RFC3: variants seen among roughly 807,000 people sequenced by gnomAD.
RFC3 encodes replication factor C subunit 3, also known as A1 38 kDa subunit.
Under a neutral mutation model 45.1 loss-of-function variants are expected in RFC3, and 41 were observed. The observed-to-expected ratio is 0.91, with a 90% CI of 0.71 to 1.18. RFC3 has a LOEUF of 1.18. Ranked by LOEUF, RFC3 falls within the 50% of genes most tolerant of loss-of-function variation. RFC3 has a pLI of 0.00. For missense variants in RFC3, 423 were observed against 428.1 expected, an observed-to-expected ratio of 0.99 and a Z score of 0.10; for synonymous variants, 149 against 144.0, an observed-to-expected ratio of 1.03 and a Z score of -0.25.
chr13:33,851,058 A>C, intron 8 of RFC3, among the ~76,000 whole-genome samples: 1 of 152,202 alleles, frequency 6.6e-6, no homozygotes, highest in East Asian at 1.9e-4. Flanking sequence ...CCCTCCATGG[A>C]ATGAGAAATT....
At chr13:33,887,560 GA>G (rs1211046551) in intron 8 of RFC3, among the ~76,000 whole-genome samples, 14 of 151,734 alleles carry the variant, frequency 9.2e-5, no homozygotes, top group African/African-American at 3.1e-4. Flanking sequence ...AGTAGGTTGC[GA>G]AAATTTTCTC....
chr13:33,890,840 T>A (rs966996899), intron 8 of RFC3, among the ~76,000 whole-genome samples: 1 of 152,182 alleles, frequency 6.6e-6, no homozygotes, highest in African/African-American at 2.4e-5. Flanking sequence ...ACTAGGCCAA[T>A]GGGATTCCTT....
At chr13:33,867,971 G>A (rs1021134016) in intron 8 of RFC3, among the ~76,000 whole-genome samples, 1 of 152,150 alleles carries the variant, frequency 6.6e-6, no homozygotes, top group Non-Finnish European at 1.5e-5. Flanking sequence ...ATATTAAGGT[G>A]GAATCCAACA....
At position 33,941,330 on chromosome 13, in the gene RFC3, G is replaced by C. The variant is rs186708374; in HGVS notation, c.880-24757G>C. Among the ~76,000 whole-genome samples the C allele has an allele frequency of 4.4e-3, 667 of 151,934 alleles. 4 individuals are homozygous for C. Among genetic ancestry groups the C allele is most frequent in the African/African-American group, 0.015 (631 of 41,458 alleles). ...CTTTCTGGTCATATGACAAGAACCT[G>C]GTTTTTTCTACAACACTGCCACCCT... On this transcript the variant is annotated intron_variant, in intron 8 of 8. Coordinates refer to the RFC3 transcript ENST00000434425.
chr13:33,929,668 CT>C (rs2082839481), intron 8 of RFC3, among the ~76,000 whole-genome samples: 1 of 151,962 alleles, frequency 6.6e-6, no homozygotes, highest in Non-Finnish European at 1.5e-5. Context: ...ATGAACAGTG[CT>C]AACATTTTGG....
At position 33,928,230 on chromosome 13, in the gene RFC3, A is replaced by G. The variant is rs181034741; in HGVS notation, c.880-37857A>G. Among the ~76,000 whole-genome samples, 563 of 152,230 alleles carry G rather than the reference A, an allele frequency of 3.7e-3. 5 individuals are homozygous for G. The highest frequency in any genetic ancestry group is 6.2e-3 in the Non-Finnish European group (420 of 67,984). On this transcript the variant is annotated intron_variant, in intron 8 of 8. Coordinates refer to the RFC3 transcript ENST00000434425. ...GGAGACAAGATTGAGTAGGTATCCAAGAAAGACTGAGTCAATCATGAAAGT... is the reference window on the plus strand; with the variant it reads ...GGAGACAAGATTGAGTAGGTATCCAGGAAAGACTGAGTCAATCATGAAAGT...
intron 8 of RFC3, among the ~76,000 whole-genome samples, chr13:33,845,926 G>A (rs1576375): frequency 0.99 from 150,918 of 152,332 alleles, 74,772 homozygotes; most frequent in Middle Eastern, 1. Flanking sequence ...CATTCCAAGT[G>A]TTCAGAGAAA....
intron 8 of RFC3, among the ~76,000 whole-genome samples, chr13:33,895,959 G>T (rs1395707230): frequency 6.6e-6 from 1 of 151,862 alleles, no homozygotes; most frequent in Non-Finnish European, 1.5e-5. Context: ...CTAACCTATG[G>T]GTATGCAAAG....
At chr13:33,972,357 G>A in the RFC3 span, among the ~76,000 whole-genome samples, 1 of 152,044 alleles carries the variant, frequency 6.6e-6, no homozygotes, top group Admixed American at 6.6e-5. Context: ...CCAGCCCTGG[G>A]TTGGTGCTGA....
Position 33,897,200 on chromosome 13 carries a change from A to T in RFC3, c.879+61983A>T, listed in dbSNP as rs117738238. 3.1e-3 allele frequency among the ~76,000 whole-genome samples: 474 copies of T among 152,228 alleles called. 4 individuals are homozygous for T. The highest frequency in any genetic ancestry group is 4.0e-3 in the Non-Finnish European group (275 of 67,988). On this transcript the variant is annotated intron_variant, in intron 8 of 8. Transcript: ENST00000434425. The stretch of plus-strand genomic sequence containing the variant: ...TATCAAAAACAATAATAGCTATAAC[A>T]ACCAGTTAAGAGATAGACAATATAA...
intron 8 of RFC3, among the ~76,000 whole-genome samples, chr13:33,921,201 CAT>C (rs1214415101): frequency 6.6e-6 from 1 of 152,148 alleles, no homozygotes; most frequent in African/African-American, 2.4e-5. Flanking sequence ...ATGTGGCAGA[CAT>C]GTTTCCTTCC....
Position 33,836,151 on chromosome 13 carries a change from G to A in RFC3, c.927G>A (p.Gly309=), listed in dbSNP as rs764410746. Residue 309 remains glycine (G), a synonymous_variant, in exon 9 of 9, where the codon GGG becomes GGA. Coordinates refer to ENST00000380071, the MANE Select transcript of RFC3 (RefSeq NM_002915.4). ...LLHNCDGQLK[G]EVAQMAAYYE... is the part of the protein sequence containing the mutation. ...ATAATTGTGATGGACAACTGAAAGGGGAGGTGGCACAAATGGCAGCTTACT... is the reference window on the plus strand; with the variant it reads ...ATAATTGTGATGGACAACTGAAAGGAGAGGTGGCACAAATGGCAGCTTACT... The A allele has an allele frequency of 1.9e-6, 3 of 1,613,218 alleles. No homozygotes were observed. Among genetic ancestry groups the A allele is most frequent in the South Asian group, 2.2e-5 (2 of 91,044 alleles).
chr13:33,835,359 G>T, intron 8 of RFC3, 142 bp downstream of exon 8: 3 of 747,414 alleles, frequency 4.0e-6, no homozygotes, highest in South Asian at 1.4e-5. Context: ...AACCTCTATG[G>T]TGTGCCAGGC....
chr13:33,920,954 G>A (rs534875227), intron 8 of RFC3, among the ~76,000 whole-genome samples: 35 of 152,030 alleles, frequency 2.3e-4, no homozygotes, highest in African/African-American at 4.3e-4. Flanking sequence ...TGTTTCCAAC[G>A]TACCTCGTAT....
intron 8 of RFC3, among the ~76,000 whole-genome samples, chr13:33,896,212 A>G (rs1165507752): frequency 1.3e-5 from 2 of 151,514 alleles, no homozygotes; most frequent in African/African-American, 2.4e-5. Flanking sequence ...GATTGATTGC[A>G]AAAGTTTCTA....
downstream of RFC3, among the ~76,000 whole-genome samples, chr13:33,971,410 T>C (rs886227867): frequency 2.0e-5 from 3 of 152,282 alleles, no homozygotes; most frequent in Admixed American, 6.5e-5. Flanking sequence ...CTCAAGATTA[T>C]TTTTGAAATC....
At chr13:33,884,444 G>T (rs764631216) in intron 8 of RFC3, among the ~76,000 whole-genome samples, 3 of 152,178 alleles carry the variant, frequency 2.0e-5, no homozygotes, top group Non-Finnish European at 2.9e-5. Context: ...GTCTTTGAAA[G>T]CCCCAGAATG....
chr13:33,866,625 C>T (rs1490189250), intron 8 of RFC3, among the ~76,000 whole-genome samples: 1 of 152,116 alleles, frequency 6.6e-6, no homozygotes, highest in African/African-American at 2.4e-5. Context: ...GGTCTGAGCC[C>T]CCTCAGAAAA....
chr13:33,902,914 T>TA (rs60658488), intron 8 of RFC3, among the ~76,000 whole-genome samples: 158 of 145,104 alleles, frequency 1.1e-3, no homozygotes, highest in Non-Finnish European at 1.5e-3. Flanking sequence ...GCTGATGAGC[T>TA]AAAAAAAAAA....
Sources: gnomAD v4.1 joint callset for allele counts (sites outside exome capture counted in the v4.1 genomes callset) on GRCh38, gnomAD v4.1.1 for gene constraint, MANE v1.5 for transcripts, NCBI Gene and HGNC (gene_info 2026-07-23, HGNC 2026-07-21) for gene names.